Variants in LRBA observed in about 807,000 individuals in gnomAD.
LRBA encodes the protein lipopolysaccharide-responsive and beige-like anchor protein.
Under a neutral mutation model 330.0 loss-of-function variants are expected in LRBA, and 176 were observed. The ratio of observed to expected loss-of-function variants is 0.53; its 90% CI spans 0.47 to 0.60. LRBA has a LOEUF of 0.60. Among genes scored for constraint, LRBA ranks in the 20% least tolerant of loss-of-function variants. The pLI, the probability that LRBA is intolerant of heterozygous loss-of-function variation, is 0.00. For synonymous variants in LRBA, 1,230 were observed against 1,193.0 expected, an observed-to-expected ratio of 1.03 and a Z score of -0.64; for missense variants, 3,259 against 3,444.8, an observed-to-expected ratio of 0.95 and a Z score of 1.35.
chr4:150,695,202 A>C (rs138140656), intron 36 of LRBA, among the ~76,000 whole-genome samples: 159 of 152,346 alleles, frequency 1.0e-3, no homozygotes, highest in Non-Finnish European at 1.5e-3. Context: ...ATAACATAAA[A>C]TGTAAGCAAA....
chr4:150,649,176 T>G (rs1410876704), intron 37 of LRBA, among the ~76,000 whole-genome samples: 1 of 152,172 alleles, frequency 6.6e-6, no homozygotes, highest in Non-Finnish European at 1.5e-5. Flanking sequence ...CAGTTTCTCC[T>G]AACATTTACC....
intron 36 of LRBA, among the ~76,000 whole-genome samples, chr4:150,711,314 C>T (rs1313487780): frequency 1.3e-5 from 2 of 151,602 alleles, no homozygotes; most frequent in Non-Finnish European, 2.9e-5. Flanking sequence ...CAGCTCACTA[C>T]AACTTCCACC....
At chr4:150,832,031 AT>A in intron 28 of LRBA, 55 bp from the exon 29 acceptor site, 1 of 1,061,654 alleles carries the variant, frequency 9.4e-7, no homozygotes, top group Non-Finnish European at 1.3e-6. Context: ...ACATCATTAT[AT>A]TTTACATCAC....
chr4:150,365,572 A>G (rs578009765), intron 47 of LRBA, among the ~76,000 whole-genome samples: 1 of 152,210 alleles, frequency 6.6e-6, no homozygotes, highest in Admixed American at 6.5e-5. Flanking sequence ...TGGACAGATC[A>G]CCTGAGGTCA....
intron 53 of LRBA, among the ~76,000 whole-genome samples, chr4:150,287,101 GA>G (rs1352000551): frequency 3.3e-5 from 5 of 152,178 alleles, no homozygotes; most frequent in Non-Finnish European, 7.3e-5. Flanking sequence ...ATCCAGAAGA[GA>G]CAAATGTGCC....
intron 38 of LRBA, among the ~76,000 whole-genome samples, chr4:150,592,254 A>C (rs1204066142): frequency 6.7e-6 from 1 of 148,380 alleles, no homozygotes; most frequent in Admixed American, 6.9e-5. Context: ...CGACTAATAT[A>C]TATATATCTA....
chr4:150,749,971 T>C lies in LRBA; in HGVS notation c.5645+11812A>G, dbSNP rs151193971. Among the ~76,000 whole-genome samples the C allele has an allele frequency of 2.3e-3, 356 of 152,306 alleles. 4 individuals are homozygous for C. The highest frequency in any genetic ancestry group is 8.3e-3 in the African/African-American group (343 of 41,572). On this transcript the variant is annotated intron_variant, in intron 35 of 56. Coordinates refer to ENST00000651943, the MANE Select transcript of LRBA (RefSeq NM_001364905.1). Reference sequence around the variant, plus strand: ...GTTCCAGCCACTCTGGCCTTCAATTTGTTTAAATAATACACAATACTATTC... The same window carrying C: ...GTTCCAGCCACTCTGGCCTTCAATTCGTTTAAATAATACACAATACTATTC...
intron 50 of LRBA, among the ~76,000 whole-genome samples, chr4:150,316,910 T>C (rs1019194210): frequency 7.9e-5 from 12 of 152,232 alleles, no homozygotes; most frequent in African/African-American, 2.2e-4. Flanking sequence ...GGAATGTTCA[T>C]GAAGATTCCT....
chr4:150,665,863 G>A (rs1036945676), intron 37 of LRBA, among the ~76,000 whole-genome samples: 2 of 152,166 alleles, frequency 1.3e-5, no homozygotes, highest in Admixed American at 1.3e-4. Context: ...AGAACTATAT[G>A]AGGCCAAAAC....
At chr4:150,766,722 T>C (rs1297504994) in intron 34 of LRBA, among the ~76,000 whole-genome samples, 2 of 152,166 alleles carry the variant, frequency 1.3e-5, no homozygotes, top group African/African-American at 2.4e-5. Context: ...GCAAAATGCA[T>C]AGTACATTTA....
At chr4:150,624,726 A>G (rs1056420796) in intron 37 of LRBA, among the ~76,000 whole-genome samples, 1 of 152,292 alleles carries the variant, frequency 6.6e-6, no homozygotes, top group East Asian at 1.9e-4. Flanking sequence ...GATCCACAAA[A>G]AAAGCATGTG....
chr4:150,711,350 C>G (rs566736716), intron 36 of LRBA, among the ~76,000 whole-genome samples: 13 of 152,046 alleles, frequency 8.6e-5, no homozygotes, highest in Admixed American at 7.9e-4. Context: ...ATTCTCCTGC[C>G]CCAGCATCTT....
chr4:150,940,869 TTTTC>T (rs1330456770), intron 2 of LRBA, among the ~76,000 whole-genome samples: 3 of 151,970 alleles, frequency 2.0e-5, no homozygotes, highest in Admixed American at 1.3e-4. Context: ...CTTCTTTTTG[TTTTC>T]TTTCTTTCAT....
At chr4:150,777,064 GTTTTGTTGTTGT>G (rs1334913820) in intron 34 of LRBA, among the ~76,000 whole-genome samples, 12 of 100,962 alleles carry the variant, frequency 1.2e-4, no homozygotes, top group Admixed American at 2.3e-4. Flanking sequence ...TTTTTGAGGG[GTTTTGTTGTTGT>G]TGTTGTTGTT....
At chr4:150,991,887 T>C (rs537750125) in intron 2 of LRBA, among the ~76,000 whole-genome samples, 16 of 152,264 alleles carry the variant, frequency 1.1e-4, no homozygotes, top group Middle Eastern at 3.4e-3. Context: ...GAAATATATA[T>C]AAACACATAA....
At chr4:150,824,038 C>T (rs775781274) in intron 30 of LRBA, among the ~76,000 whole-genome samples, 1 of 152,126 alleles carries the variant, frequency 6.6e-6, no homozygotes, top group Non-Finnish European at 1.5e-5. Context: ...AACATTTTAA[C>T]ACTATTAATT....
Position 150,726,766 on chromosome 4 carries a change from G to A in LRBA, c.5754+8492C>T, listed in dbSNP as rs189645648. On this transcript the variant is annotated intron_variant, in intron 36 of 56. Coordinates refer to ENST00000651943, the MANE Select transcript of LRBA (RefSeq NM_001364905.1). ...TCACTTGCCTCCCTTGACACATGGG[G>A]ATCATAGGTCCCTCCCTCAACACGT... Among the ~76,000 whole-genome samples the A allele has an allele frequency of 8.5e-5, 13 of 152,196 alleles. No homozygotes were observed. In the East Asian group the frequency reaches 2.5e-3, roughly 29 times the overall value.
chr4:150,300,569 A>G (rs1370871087), intron 53 of LRBA, among the ~76,000 whole-genome samples: 1 of 152,000 alleles, frequency 6.6e-6, no homozygotes, highest in Non-Finnish European at 1.5e-5. Flanking sequence ...TTCATTTTAC[A>G]GACAAGACAG....
intron 46 of LRBA, among the ~76,000 whole-genome samples, chr4:150,429,034 A>G (rs1322311577): frequency 1.1e-4 from 17 of 152,154 alleles, no homozygotes; most frequent in Admixed American, 1.1e-3. Flanking sequence ...TGAGGAAAAC[A>G]GTCAAAAATT....
Sources: allele counts gnomAD v4.1 joint callset (sites outside exome capture counted in the v4.1 genomes callset), GRCh38; gene constraint gnomAD v4.1.1; transcripts MANE v1.5; gene names NCBI Gene and HGNC (gene_info 2026-07-23, HGNC 2026-07-21).